Variants in ANTXR2 observed in about 807,000 individuals in gnomAD.
The protein encoded by ANTXR2 is ANTXR cell adhesion molecule 2.
In ANTXR2, 44 loss-of-function variants were observed where a neutral mutation model predicts 73.7. The observed-to-expected ratio is 0.60, with a 90% confidence interval of 0.47 to 0.77. The LOEUF (loss-of-function observed/expected upper bound fraction) is 0.77. Among genes scored for constraint, ANTXR2 ranks in the 30% least tolerant of loss-of-function variants. The pLI is 0.00. For missense variants in ANTXR2, 604 were observed against 592.5 expected (o/e 1.02, Z -0.20); for synonymous variants, 217 against 205.9 (o/e 1.05, Z -0.46).
chr4:79,998,623 A>G (rs1408777816), intron 12 of ANTXR2, among the ~76,000 whole-genome samples: 2 of 152,046 alleles, frequency 1.3e-5, no homozygotes, highest in African/African-American at 4.8e-5. Flanking sequence ...ACAATTCAAA[A>G]CAGGATAAGT....
At chr4:80,067,324 C>T (rs11730030) in intron 3 of ANTXR2, among the ~76,000 whole-genome samples, 55,993 of 152,060 alleles carry the variant, frequency 0.37, 11,062 homozygotes, top group Middle Eastern at 0.52. Context: ...ATTTAAACCC[C>T]TTCCATGCGT....
At chr4:79,993,760 G>GCGCGCGCGCACACACACACA (rs71662888) in intron 12 of ANTXR2, among the ~76,000 whole-genome samples, 1,528 of 140,754 alleles carry the variant, frequency 0.011, 33 homozygotes, top group South Asian at 0.071. Flanking sequence ...ACACACACAC[G>GCGCGCGCGCACACACACACA]CACACACACA....
At chr4:80,013,157 G>C (rs1207653683) in intron 11 of ANTXR2, among the ~76,000 whole-genome samples, 2 of 152,232 alleles carry the variant, frequency 1.3e-5, no homozygotes, top group Non-Finnish European at 2.9e-5. Context: ...CTTTTGAGGA[G>C]AGATGAACAT....
chr4:79,927,227 AAG>A (rs1454593773), intron 16 of ANTXR2, among the ~76,000 whole-genome samples: 1 of 151,860 alleles, frequency 6.6e-6, no homozygotes, highest in Non-Finnish European at 1.5e-5. Context: ...AACAACAAAA[AAG>A]AGTTACAAAA....
Position 80,021,330 on chromosome 4 carries a change from GTTTT to G in ANTXR2, c.867-2358_867-2355del, listed in dbSNP as rs956047975. Among the ~76,000 whole-genome samples, 106 of 151,838 alleles carry G rather than the reference GTTTT, an allele frequency of 7.0e-4. 2 individuals carry two copies. The highest frequency in any genetic ancestry group is 2.5e-4 in the Non-Finnish European group (17 of 67,922). ...TCTGAAGAAATGGGTGCCTTGTTTT[GTTTT>G]TTTAATGACTAAGCATAATCAAATA... On this transcript the variant is annotated intron_variant, in intron 10 of 16. Transcript: ENST00000403729.
chr4:80,059,525 C>T (rs1001957314), intron 3 of ANTXR2, among the ~76,000 whole-genome samples: 7 of 151,932 alleles, frequency 4.6e-5, no homozygotes, highest in African/African-American at 1.7e-4. Flanking sequence ...TACCAGGCTA[C>T]TTTTAAATTT....
chr4:79,993,311 AAAG>A (rs1431810980), intron 12 of ANTXR2, among the ~76,000 whole-genome samples: 2 of 151,700 alleles, frequency 1.3e-5, no homozygotes, highest in Admixed American at 6.6e-5. Flanking sequence ...AGGAGGAAAA[AAAG>A]AAGGAAAAAA....
intron 7 of ANTXR2, among the ~76,000 whole-genome samples, chr4:80,040,667 T>G (rs1312818021): frequency 6.6e-6 from 1 of 151,986 alleles, no homozygotes; most frequent in African/African-American, 2.4e-5. Flanking sequence ...TTAATAAATC[T>G]AGGGTATGTT....
chr4:79,992,711 C>T (rs969787106), intron 12 of ANTXR2, among the ~76,000 whole-genome samples: 1 of 151,898 alleles, frequency 6.6e-6, no homozygotes, highest in African/African-American at 2.4e-5. Context: ...CTTGCATGTC[C>T]AAAACAATTA....
At chr4:79,990,191 T>C (rs1730396114) in intron 12 of ANTXR2, among the ~76,000 whole-genome samples, 1 of 150,604 alleles carries the variant, frequency 6.6e-6, no homozygotes, top group Admixed American at 6.7e-5. Context: ...AAGTCAAAAT[T>C]ATCCTTCTTC....
intron 3 of ANTXR2, among the ~76,000 whole-genome samples, chr4:80,067,821 G>C (rs1319095450): frequency 6.6e-6 from 1 of 152,134 alleles, no homozygotes; most frequent in East Asian, 1.9e-4. Context: ...CACAGGGAGG[G>C]GAACAACGCA....
In ANTXR2 at chr4:79,905,367, C is replaced by T. The variant is rs1726860944; in HGVS notation, c.*2062G>A. On this transcript the variant is annotated 3_prime_UTR_variant, in exon 17 of 17. Coordinates refer to ENST00000403729, the MANE Select transcript of ANTXR2 (RefSeq NM_058172.6). ...AATGCAGAACAAAGGGATACAATAACTCATTGCAGAAAGGGTTGGGTATAC... is the reference window on the plus strand; with the variant it reads ...AATGCAGAACAAAGGGATACAATAATTCATTGCAGAAAGGGTTGGGTATAC... The T allele has an allele frequency of 6.6e-6, 1 of 152,178 alleles. No homozygotes were observed. The highest frequency in any genetic ancestry group is 6.6e-5 in the Admixed American group (1 of 15,258). The allele number at this position is 152,178 out of a possible 1,614,324, so 9.4% of individuals were successfully genotyped here.
intron 12 of ANTXR2, among the ~76,000 whole-genome samples, chr4:79,992,676 A>G (rs1014032323): frequency 6.6e-6 from 1 of 152,096 alleles, no homozygotes; most frequent in Non-Finnish European, 1.5e-5. Flanking sequence ...CTATAAAAAA[A>G]GAAAGCATGT....
intron 16 of ANTXR2, among the ~76,000 whole-genome samples, chr4:79,964,263 T>C (rs1729261670): frequency 6.6e-6 from 1 of 152,246 alleles, no homozygotes; most frequent in Non-Finnish European, 1.5e-5. Flanking sequence ...AGTGCTGCGC[T>C]TTCTTCTTTC....
intron 11 of ANTXR2, among the ~76,000 whole-genome samples, chr4:80,018,306 T>C (rs116612636): frequency 0.011 from 1,743 of 152,184 alleles, 31 homozygotes; most frequent in African/African-American, 0.04. Context: ...CAAAATTAAA[T>C]AAAAGGAAGA....
chr4:79,982,812 T>A (rs747297294), intron 14 of ANTXR2, among the ~76,000 whole-genome samples: 4 of 152,156 alleles, frequency 2.6e-5, no homozygotes, highest in African/African-American at 9.6e-5. Flanking sequence ...CAAGATCTAA[T>A]GTGGTCCAGA....
intron 3 of ANTXR2, among the ~76,000 whole-genome samples, chr4:80,065,818 T>A (rs1199071598): frequency 2.0e-5 from 3 of 152,210 alleles, no homozygotes; most frequent in Non-Finnish European, 4.4e-5. Context: ...GAATTATGAG[T>A]GCTAGAAACA....
At chr4:79,918,558 A>C (rs1057309491) in intron 16 of ANTXR2, among the ~76,000 whole-genome samples, 2 of 152,128 alleles carry the variant, frequency 1.3e-5, no homozygotes, top group Non-Finnish European at 2.9e-5. Context: ...GAACACTCTA[A>C]AATAGTAAAT....
chr4:79,917,778 T>C (rs1188293179), intron 16 of ANTXR2, among the ~76,000 whole-genome samples: 1 of 152,024 alleles, frequency 6.6e-6, no homozygotes, highest in Non-Finnish European at 1.5e-5. Context: ...AGTCTCTTTT[T>C]TAATTCCCAA....
Sources: allele counts gnomAD v4.1 joint callset (sites outside exome capture counted in the v4.1 genomes callset), GRCh38; gene constraint gnomAD v4.1.1; transcripts MANE v1.5; gene names NCBI Gene and HGNC (gene_info 2026-07-23, HGNC 2026-07-21).